UNC13D: variants seen among roughly 807,000 people sequenced by gnomAD.
UNC13D encodes the protein protein unc-13 homolog D.
A neutral mutation model predicts 151.7 loss-of-function variants in UNC13D; 115 were observed. The observed-to-expected ratio is 0.76, with a 90% CI of 0.65 to 0.88. The LOEUF is 0.88. Ranked by LOEUF, UNC13D falls within the 40% of genes least tolerant of loss-of-function variation. UNC13D has a pLI of 0.00. For synonymous variants in UNC13D, 588 were observed against 612.2 expected (o/e 0.96, Z 0.58); for missense variants, 1,369 against 1,438.7 (o/e 0.95, Z 0.78).
rs766536720 is a variant in UNC13D, at chr17:75,834,331, G to A, written c.2292C>T (p.Ala764=). The part of the protein sequence containing the change: ...HEIRTGVRTL[A]EQLEVGIAKH... ...GTGCGGTCGGACAAGGTACCTGCTC[G>A]GCCAGGGTGCGGACGCCAGTGCGGA... The change falls in exon 23 of 32, where the codon GCC becomes GCT. Residue 764 remains alanine, a synonymous_variant. Transcript: ENST00000207549. The A allele has an allele frequency of 6.9e-6, 11 of 1,594,718 alleles. No individual in the cohort carries two copies. The highest frequency in any genetic ancestry group is 2.5e-6 in the Non-Finnish European group (3 of 1,178,870).
At chr17:75,834,560 C>G (rs2064893676) in intron 22 of UNC13D, 29 bp from the exon 23 acceptor site, 1 of 1,609,178 alleles carries the variant, frequency 6.2e-7, no homozygotes, top group African/African-American at 1.3e-5. Flanking sequence ...GCTTCCTGAA[C>G]TGTGCCCAGG....
At chr17:75,830,996 G>T in intron 27 of UNC13D, 102 bp downstream of exon 27, 3 of 1,376,288 alleles carry the variant, frequency 2.2e-6, no homozygotes, top group South Asian at 1.2e-5. Flanking sequence ...TTTTCATTTT[G>T]TACTGGGCCC....
chr17:75,842,962 G>T lies in UNC13D; in HGVS notation c.322-39C>A, dbSNP rs760219899. 2.5e-6 allele frequency: 4 copies of T among 1,612,720 alleles called. No individual in the cohort carries two copies. The East Asian group carries it at 8.9e-5, about 36-fold the overall frequency. On this transcript the variant is annotated intron_variant, in intron 4 of 31. Transcript: ENST00000207549. ...AGGGATGGCCTGAGTCCCTGAGGGGGCTGGGCTTCCCAGGCCCCTCCTTGC... is the reference window on the plus strand; with the variant it reads ...AGGGATGGCCTGAGTCCCTGAGGGGTCTGGGCTTCCCAGGCCCCTCCTTGC...
chr17:75,830,771 A>T (rs1209937372), intron 27 of UNC13D, 110 bp from the exon 28 acceptor site: 1 of 1,340,926 alleles, frequency 7.5e-7, no homozygotes, highest in African/African-American at 1.5e-5. Context: ...TGAAATGGAA[A>T]GTATTGGGTC....
In UNC13D at chr17:75,836,161, C is replaced by T. The variant is rs772318624; in HGVS notation, c.1446+39G>A. 4 of 1,611,588 alleles carry T rather than the reference C, an allele frequency of 2.5e-6. No individual in the cohort carries two copies. The Admixed American group carries it at 5.0e-5, about 20-fold the overall frequency. Reference sequence around the variant, plus strand: ...GGGCTGCCAGAGGCAGGCACCACCCCCCGTGACCCCCTGCCCTCCCCCTTG... The same window carrying T: ...GGGCTGCCAGAGGCAGGCACCACCCTCCGTGACCCCCTGCCCTCCCCCTTG... On this transcript the variant is annotated intron_variant, in intron 16 of 31. Coordinates refer to ENST00000207549, the MANE Select transcript of UNC13D (RefSeq NM_199242.3).
Position 75,828,032 on chromosome 17 carries a change from A to T in UNC13D, c.3206T>A (p.Val1069Asp). 1 of 1,586,624 alleles carries T rather than the reference A, an allele frequency of 6.3e-7. No individual in the cohort carries two copies. The highest frequency in any genetic ancestry group is 8.6e-7 in the Non-Finnish European group (1 of 1,167,296). Residue 1069 changes from valine to aspartate, a missense_variant, in exon 32 of 32, where the codon GTC becomes GAC. Coordinates refer to ENST00000207549, the MANE Select transcript of UNC13D (RefSeq NM_199242.3). The part of the protein sequence containing the change: ...EGRKGDREAQ[V>D]FVRLRRHRAK... Reference sequence around the variant, plus strand: ...CCGGTGCCGCCGCAGCCTCACAAAGACCTGGGCTTCTCGGTCACCCTTCCG... The same window carrying T: ...CCGGTGCCGCCGCAGCCTCACAAAGTCCTGGGCTTCTCGGTCACCCTTCCG...
intron 21 of UNC13D, 87 bp from the exon 22 acceptor site, chr17:75,834,803 TGG>T: frequency 6.2e-7 from 1 of 1,606,984 alleles, no homozygotes; most frequent in South Asian, 1.1e-5. Flanking sequence ...TTCAGCGACT[TGG>T]GGGATTTAGA....
At position 75,831,392 on chromosome 17, in the gene UNC13D, G is replaced by A. The variant is rs771482883; in HGVS notation, c.2448-44C>T. The stretch of plus-strand genomic sequence containing the variant: ...GATGCGGACACAGCACGGCAGGGCG[G>A]TGGCGGAGGAGGAAGCAAAGACGCT... On this transcript the variant is annotated intron_variant, in intron 25 of 31. Transcript: ENST00000207549. The A allele has an allele frequency of 7.0e-6, 11 of 1,567,584 alleles. No homozygotes were observed. In the East Asian group the frequency reaches 2.3e-4, roughly 32 times the overall value.
At chr17:75,839,764 G>T in intron 12 of UNC13D, 75 bp downstream of exon 12, 1 of 1,472,258 alleles carries the variant, frequency 6.8e-7, no homozygotes, top group Non-Finnish European at 9.5e-7. Flanking sequence ...TACACTTTGG[G>T]CTACCGGCTT....
chr17:75,840,132 C>A lies in UNC13D; in HGVS notation c.859-22G>T. 1 of 1,611,600 alleles carries A rather than the reference C, an allele frequency of 6.2e-7. No individual in the cohort carries two copies. Among genetic ancestry groups the A allele is most frequent in the Non-Finnish European group, 8.5e-7 (1 of 1,179,060 alleles). On this transcript the variant is annotated intron_variant, in intron 10 of 31. Transcript: ENST00000207549. The surrounding 1 kb of genome is among the most constrained non-coding windows in gnomAD (Gnocchi z 4.6). ...CTCTCTGCAATGAGGCCTCTGTGAGCAGACAGGGCCTCACACTGGGTGCAG... is the reference window on the plus strand; with the variant it reads ...CTCTCTGCAATGAGGCCTCTGTGAGAAGACAGGGCCTCACACTGGGTGCAG...
chr17:75,839,700 C>G, intron 12 of UNC13D, 139 bp downstream of exon 12: 2 of 937,818 alleles, frequency 2.1e-6, no homozygotes, highest in Non-Finnish European at 3.4e-6. Context: ...AAATTGGCAA[C>G]TGATTCAAAA....
At position 75,834,637 on chromosome 17, in the gene UNC13D, T is replaced by C; in HGVS notation, c.2072A>G (p.Gln691Arg). The change falls in exon 22 of 32, where the codon CAA (glutamine) becomes CGA (arginine). Residue 691 changes from glutamine to arginine, a missense_variant. This residue lies in a region of UNC13D where 807 missense variants were observed against 795.5 expected (regional missense o/e 1.01). Transcript: ENST00000207549. ...CCTTACCATGTTGGCTGCCTGGCCT[T>C]GGTCCTTCTGGCCTGAAGAGAGCTC... ...ARELSSGQKD[Q>R]GQAANMLCVV... The C allele has an allele frequency of 6.2e-7, 1 of 1,613,846 alleles. No individual in the cohort carries two copies. The highest frequency in any genetic ancestry group is 1.1e-5 in the South Asian group (1 of 91,084).
At chr17:75,835,598 T>TC in intron 19 of UNC13D, 49 bp downstream of exon 19, 1 of 1,611,518 alleles carries the variant, frequency 6.2e-7, no homozygotes, top group Non-Finnish European at 8.5e-7. Context: ...TCGTCCACCC[T>TC]CCCCTCCCCT....
chr17:75,839,768 C>A (rs2064933956), intron 12 of UNC13D, 71 bp downstream of exon 12: 1 of 1,513,062 alleles, frequency 6.6e-7, no homozygotes, highest in African/African-American at 1.4e-5. Flanking sequence ...CTTTGGGCTA[C>A]CGGCTTGGAG....
intron 27 of UNC13D, 113 bp downstream of exon 27, chr17:75,830,984 GT>G: frequency 7.7e-7 from 1 of 1,300,022 alleles, no homozygotes; most frequent in Non-Finnish European, 1.1e-6. Context: ...AAGGGGCCCA[GT>G]TTTTCATTTT....
chr17:75,837,005 T>TCCCTCCTCCAGGGCCCCTGGTGGAGA (rs1555602076), intron 12 of UNC13D, 87 bp from the exon 13 acceptor site: 2 of 692,350 alleles, frequency 2.9e-6, no homozygotes, highest in Non-Finnish European at 4.1e-6. Flanking sequence ...GGGAATCGCC[T>TCCCTCCTCCAGGGCCCCTGGTGGAGA]CCCATCCACC....
chr17:75,836,401 C>A lies in UNC13D; in HGVS notation c.1327G>T (p.Ala443Ser), dbSNP rs759944295. Residue 443 changes from alanine to serine, a missense_variant, in exon 15 of 32, where the codon GCC becomes TCC. By Grantham distance (99) the Ala-to-Ser change is moderately conservative. Around this residue, in one of 3 missense-constraint regions of UNC13D, gnomAD observed 550 missense variants for 609.0 expected, o/e 0.90. Coordinates refer to ENST00000207549, the MANE Select transcript of UNC13D (RefSeq NM_199242.3). Reference sequence around the variant, plus strand: ...GTGTTGGGGCACAGTTCTCCAAAGGCCTTCATCTTGCACATCTGTACCAGG... The same window carrying A: ...GTGTTGGGGCACAGTTCTCCAAAGGACTTCATCTTGCACATCTGTACCAGG... The part of the protein sequence containing the change: ...RVLVQMCKMK[A>S]FGELCPNTAP... The A allele has an allele frequency of 1.1e-5, 18 of 1,613,718 alleles. No individual in the cohort carries two copies. The Admixed American group carries it at 1.2e-4, about 10-fold the overall frequency.
At chr17:75,834,280 T>C in intron 23 of UNC13D, 45 bp downstream of exon 23, 1 of 1,586,652 alleles carries the variant, frequency 6.3e-7, no homozygotes, top group Non-Finnish European at 8.5e-7. Context: ...CCAGGTAGGC[T>C]GAAGACGGGA....
At position 75,840,263 on chromosome 17, in the gene UNC13D, C is replaced by T. The variant is rs1266643547; in HGVS notation, c.820G>A (p.Gly274Ser). ...EPRTETYPDR[G>S]QCHLQFQLIH... is the part of the protein sequence containing the mutation. ...AGTTGGAACTGGAGGTGGCACTGGC[C>T]TCGGTCTGGGTAGGTCTCAGTGCGG... Residue 274 changes from glycine to serine, a missense_variant, in exon 10 of 32, where the codon GGC becomes AGC. Transcript: ENST00000207549. The surrounding 1 kb of genome is among the most constrained non-coding windows in gnomAD (Gnocchi z 4.6). 6.2e-7 allele frequency: 1 copy of T among 1,614,038 alleles called. No individual in the cohort carries two copies. The highest frequency in any genetic ancestry group is 8.5e-7 in the Non-Finnish European group (1 of 1,180,036).
Sources: allele counts gnomAD v4.1 joint callset, GRCh38; gene constraint gnomAD v4.1.1; regional missense constraint gnomAD v4.1.1; non-coding constraint Gnocchi (gnomAD v3.1); transcripts MANE v1.5; gene names NCBI Gene and HGNC (gene_info 2026-07-23, HGNC 2026-07-21).